NFIB: variants seen among roughly 807,000 people sequenced by gnomAD.
NFIB encodes nuclear factor I B.
In NFIB, 11 loss-of-function variants were observed where a neutral mutation model predicts 61.5. The observed-to-expected ratio is 0.18, with a 90% CI of 0.11 to 0.30. The LOEUF (loss-of-function observed/expected upper bound fraction) is 0.30, where lower values mean the gene tolerates loss of function less well. NFIB is among the 10% of genes least tolerant of loss of function. The pLI, the probability that NFIB is intolerant of heterozygous loss-of-function variation, is 1.00. For missense variants in NFIB, 471 were observed against 608.9 expected, an observed-to-expected ratio of 0.77 and a Z score of 2.38; for synonymous variants, 260 against 216.5, an observed-to-expected ratio of 1.20 and a Z score of -1.76.
upstream of NFIB, among the ~76,000 whole-genome samples, chr9:14,400,315 A>G (rs1373998679): frequency 6.6e-6 from 1 of 152,222 alleles, no homozygotes; most frequent in Non-Finnish European, 1.5e-5. Context: ...TTCAGAAACG[A>G]TGTTTGCTGA....
chr9:14,227,380 G>A (rs1164597058), intron 2 of NFIB, among the ~76,000 whole-genome samples: 2 of 152,080 alleles, frequency 1.3e-5, no homozygotes, highest in African/African-American at 2.4e-5. Flanking sequence ...TGAAATATTA[G>A]GAAGTACTCA....
At position 14,146,061 on chromosome 9, in the gene NFIB, G is replaced by C. The variant is rs532788583; in HGVS notation, c.925+628C>G. Among the ~76,000 whole-genome samples, 6 of 151,880 alleles carry C rather than the reference G, an allele frequency of 4.0e-5. No individual in the cohort carries two copies. The South Asian group carries it at 1.3e-3, about 32-fold the overall frequency. ...GCATGGATATATCTAATGAAATATA[G>C]TAAATCCAACAGACTTTAAGAAGAG... is the stretch of plus-strand genomic sequence containing the variant. On this transcript the variant is annotated intron_variant, in intron 6 of 10. Coordinates refer to ENST00000380953, the MANE Select transcript of NFIB (RefSeq NM_001190737.2).
At chr9:14,306,206 G>A (rs114020833) in intron 2 of NFIB, among the ~76,000 whole-genome samples, 1,873 of 152,176 alleles carry the variant, frequency 0.012, 26 homozygotes, top group African/African-American at 0.043. Context: ...TTAAACCAGT[G>A]TAACCAGTCC....
At chr9:14,109,604 C>T (rs1020956405) in intron 10 of NFIB, among the ~76,000 whole-genome samples, 6 of 151,992 alleles carry the variant, frequency 3.9e-5, no homozygotes, top group Non-Finnish European at 7.4e-5. Flanking sequence ...ATGCCAATAG[C>T]GAATGCAATA....
chr9:14,162,724 A>T (rs2044342117), intron 3 of NFIB, among the ~76,000 whole-genome samples: 1 of 151,970 alleles, frequency 6.6e-6, no homozygotes, highest in Admixed American at 6.6e-5. Context: ...TGCAGAGAAG[A>T]CTCTTAGATA....
chr9:14,252,039 G>C (rs1358067503), intron 2 of NFIB, among the ~76,000 whole-genome samples: 1 of 152,110 alleles, frequency 6.6e-6, no homozygotes, highest in Non-Finnish European at 1.5e-5. Flanking sequence ...GTTGCTACAG[G>C]ATTTGCAAGG....
the NFIB span, among the ~76,000 whole-genome samples, chr9:14,520,714 G>A: frequency 4.3e-3 from 661 of 152,200 alleles, 4 homozygotes; most frequent in African/African-American, 0.015. Context: ...CCCATTAGCA[G>A]GTCAAGATAT....
chr9:14,507,908 C>CAGGTTCAG, the NFIB span, among the ~76,000 whole-genome samples: 1 of 151,766 alleles, frequency 6.6e-6, no homozygotes, highest in African/African-American at 2.4e-5. Context: ...CTATGTGACA[C>CAGGTTCAG]AGGTTCAGCA....
chr9:14,503,476 G>T, the NFIB span, among the ~76,000 whole-genome samples: 1 of 151,864 alleles, frequency 6.6e-6, no homozygotes, highest in South Asian at 2.1e-4. Context: ...TAAATTTTTT[G>T]ATTATGGGCA....
chr9:14,139,114 A>G (rs2041403349), intron 6 of NFIB, among the ~76,000 whole-genome samples: 1 of 152,152 alleles, frequency 6.6e-6, no homozygotes, highest in East Asian at 1.9e-4. Context: ...GTAAGTTTAC[A>G]TACTGATTCC....
intron 2 of NFIB, among the ~76,000 whole-genome samples, chr9:14,262,889 A>C (rs1271826404): frequency 6.6e-6 from 1 of 152,162 alleles, no homozygotes; most frequent in African/African-American, 2.4e-5. Context: ...TTTCTAGTAA[A>C]AGGCTCCCAT....
At chr9:14,223,556 G>C (rs2051978141) in intron 2 of NFIB, among the ~76,000 whole-genome samples, 1 of 152,054 alleles carries the variant, frequency 6.6e-6, no homozygotes, top group Admixed American at 6.5e-5. Context: ...TAATTACACT[G>C]ACTCTTTTTA....
intron 9 of NFIB, among the ~76,000 whole-genome samples, chr9:14,114,771 C>T (rs2037878734): frequency 6.6e-6 from 1 of 152,158 alleles, no homozygotes; most frequent in African/African-American, 2.4e-5. Context: ...GAGTAGGCAT[C>T]AGAGTTTCTA....
At chr9:14,382,898 A>G (rs1418218952) in intron 1 of NFIB, among the ~76,000 whole-genome samples, 1 of 152,156 alleles carries the variant, frequency 6.6e-6, no homozygotes, top group East Asian at 1.9e-4. Flanking sequence ...TTTTGCAGAA[A>G]AAACCATCCT....
At chr9:14,489,536 C>A in the NFIB span, among the ~76,000 whole-genome samples, 3 of 151,880 alleles carry the variant, frequency 2.0e-5, no homozygotes, top group African/African-American at 7.3e-5. Flanking sequence ...ATAGGTAATG[C>A]ATGCAAGTGT....
intron 1 of NFIB, among the ~76,000 whole-genome samples, chr9:14,393,316 T>A (rs1027143626): frequency 1.9e-4 from 29 of 152,224 alleles, no homozygotes; most frequent in African/African-American, 6.8e-4. Context: ...CCATCTGGTG[T>A]CTGCTCACCA....
intron 2 of NFIB, among the ~76,000 whole-genome samples, chr9:14,253,681 A>AT (rs2055903935): frequency 6.6e-6 from 1 of 152,166 alleles, no homozygotes; most frequent in Admixed American, 6.5e-5. Flanking sequence ...TAATTTTTTA[A>AT]TAAAAAAAAG....
At chr9:14,116,466 G>T (rs542447640) in intron 8 of NFIB, 120 bp from the exon 9 acceptor site, 4 of 1,057,742 alleles carry the variant, frequency 3.8e-6, no homozygotes, top group Non-Finnish European at 5.0e-6. Flanking sequence ...GCGCCACACA[G>T]GCCCTCTCGA....
chr9:14,231,133 AAAATAT>A (rs1468633281), intron 2 of NFIB, among the ~76,000 whole-genome samples: 283 of 67,174 alleles, frequency 4.2e-3, no homozygotes, highest in African/African-American at 0.011. Context: ...AAAAAAAAAA[AAAATAT>A]ATATATATAT....
Sources: gnomAD v4.1 joint callset for allele counts (sites outside exome capture counted in the v4.1 genomes callset) on GRCh38, gnomAD v4.1.1 for gene constraint, MANE v1.5 for transcripts, NCBI Gene and HGNC (gene_info 2026-07-23, HGNC 2026-07-21) for gene names.